Variants in AKAP19 observed in about 807,000 individuals in gnomAD.
AKAP19 encodes the protein small A-kinase anchoring protein.
chr2:190,180,738 C>T, the AKAP19 span: 1 of 985,290 alleles, frequency 1.0e-6, no homozygotes. This position sits in a 1 kb window ranked among gnomAD's most constrained non-coding sequence, Gnocchi z 6.8. Flanking sequence ...GCCGAGCGCC[C>T]TTGGGCGGCC....
chr2:190,038,974 C>CTTCTTCT, the AKAP19 span, among the ~76,000 whole-genome samples: 11 of 126,172 alleles, frequency 8.7e-5, no homozygotes, highest in East Asian at 9.2e-4. Context: ...CTTCTTCTTT[C>CTTCTTCT]TTCTTCTTCT....
At chr2:190,130,601 A>C in the AKAP19 span, among the ~76,000 whole-genome samples, 623 of 152,336 alleles carry the variant, frequency 4.1e-3, 9 homozygotes, top group African/African-American at 0.014. Flanking sequence ...TTTTAGGATA[A>C]TACTGTATTG....
the AKAP19 span, among the ~76,000 whole-genome samples, chr2:190,096,770 G>A: frequency 1.3e-5 from 2 of 152,130 alleles, no homozygotes; most frequent in African/African-American, 4.8e-5. Flanking sequence ...GGCACCAGTA[G>A]GAGTCAGTCC....
the AKAP19 span, chr2:190,180,607 C>T: frequency 1.0e-6 from 1 of 985,746 alleles, no homozygotes; most frequent in East Asian, 1.1e-4. This position sits in a 1 kb window ranked among gnomAD's most constrained non-coding sequence, Gnocchi z 6.8. Context: ...CCCAGACCAA[C>T]CGGCTGGCAG....
At chr2:189,948,785 T>G in the AKAP19 span, among the ~76,000 whole-genome samples, 1 of 152,246 alleles carries the variant, frequency 6.6e-6, no homozygotes, top group Non-Finnish European at 1.5e-5. Context: ...ACTTTTTTCC[T>G]GTCATACAAA....
the AKAP19 span, among the ~76,000 whole-genome samples, chr2:189,953,902 G>A: frequency 3.3e-5 from 5 of 152,164 alleles, no homozygotes; most frequent in Non-Finnish European, 7.4e-5. Flanking sequence ...TATTGTTTAT[G>A]ATATTGATTG....
At chr2:189,930,942 C>T in the AKAP19 span, 3 of 742,038 alleles carry the variant, frequency 4.0e-6, no homozygotes, top group South Asian at 3.2e-5. Context: ...TAAAGCTAGC[C>T]CAGTCGGACT....
chr2:190,126,289 CAAAAAAAAAAAAAAAAAAAA>C, the AKAP19 span, among the ~76,000 whole-genome samples: 2 of 31,300 alleles, frequency 6.4e-5, no homozygotes, highest in African/African-American at 1.9e-4. Context: ...GATTCCATCT[CAAAAAAAAAAAAAAAAAAAA>C]AAAAAAAAAA....
chr2:189,885,539 C>T, the AKAP19 span, among the ~76,000 whole-genome samples: 2 of 152,108 alleles, frequency 1.3e-5, no homozygotes, highest in Admixed American at 6.6e-5. Context: ...CAGCTGAGCT[C>T]GTTAACCCCC....
At chr2:190,069,285 C>A in the AKAP19 span, among the ~76,000 whole-genome samples, 3 of 151,564 alleles carry the variant, frequency 2.0e-5, no homozygotes, top group Non-Finnish European at 4.4e-5. Flanking sequence ...ATTTGATGAC[C>A]AGTTTTCTGC....
At chr2:190,051,677 G>T in the AKAP19 span, among the ~76,000 whole-genome samples, 14 of 152,082 alleles carry the variant, frequency 9.2e-5, no homozygotes, top group Admixed American at 6.5e-5. Context: ...ATTCTGTCTG[G>T]TGCTGTAAGG....
the AKAP19 span, among the ~76,000 whole-genome samples, chr2:190,038,893 TTTCTTTCTTTCTTCTTC>T: frequency 2.4e-5 from 1 of 42,440 alleles, no homozygotes; most frequent in South Asian, 1.0e-3. Flanking sequence ...TCTTTCTTTC[TTTCTTTCTTTCTTCTTC>T]TTCTTCTTCT....
At chr2:189,997,202 T>C in the AKAP19 span, among the ~76,000 whole-genome samples, 1 of 152,192 alleles carries the variant, frequency 6.6e-6, no homozygotes, top group Admixed American at 6.5e-5. Flanking sequence ...GTAGCTGTAA[T>C]GTCCTGAGTT....
the AKAP19 span, among the ~76,000 whole-genome samples, chr2:189,894,233 A>G: frequency 6.6e-6 from 1 of 152,224 alleles, no homozygotes; most frequent in Non-Finnish European, 1.5e-5. Context: ...TATATACAGA[A>G]TCTTTGAAAG....
At chr2:190,195,537 G>A in the AKAP19 span, among the ~76,000 whole-genome samples, 1 of 152,100 alleles carries the variant, frequency 6.6e-6, no homozygotes, top group Non-Finnish European at 1.5e-5. Flanking sequence ...ATACGTTTAT[G>A]TGCCACCTAT....
chr2:189,892,019 C>T, the AKAP19 span, among the ~76,000 whole-genome samples: 2 of 151,558 alleles, frequency 1.3e-5, no homozygotes, highest in East Asian at 1.9e-4. Context: ...TCTGCTTGAT[C>T]GATTCAGCTA....
At chr2:189,879,684 GGCT>G in the AKAP19 span, 1 of 152,402 alleles carries the variant, frequency 6.6e-6, no homozygotes, top group South Asian at 2.1e-4. Context: ...TGGAGGTAAC[GGCT>G]GCTGCGGCCT....
At chr2:190,039,393 A>G in the AKAP19 span, among the ~76,000 whole-genome samples, 4 of 152,094 alleles carry the variant, frequency 2.6e-5, no homozygotes, top group African/African-American at 9.7e-5. Context: ...TCTATCTTCC[A>G]CATGCTTCAA....
chr2:190,122,337 A>G, the AKAP19 span, among the ~76,000 whole-genome samples: 1 of 152,250 alleles, frequency 6.6e-6, no homozygotes, highest in African/African-American at 2.4e-5. Context: ...GGCTGTTACC[A>G]GATCCTTGAG....
Sources: allele counts gnomAD v4.1 joint callset (sites outside exome capture counted in the v4.1 genomes callset), GRCh38; gene constraint gnomAD v4.1.1; non-coding constraint Gnocchi (gnomAD v3.1); transcripts MANE v1.5; gene names NCBI Gene and HGNC (gene_info 2026-07-23, HGNC 2026-07-21).